Variants in HHAT observed in about 807,000 individuals in gnomAD.
HHAT encodes hedgehog acyltransferase.
A neutral mutation model predicts 70.8 loss-of-function variants in HHAT; 47 were observed. The ratio of observed to expected loss-of-function variants is 0.66; its 90% confidence interval spans 0.53 to 0.85. HHAT has a LOEUF of 0.85. Among genes scored for constraint, HHAT ranks in the 40% least tolerant of loss-of-function variants. The pLI is 0.00. For synonymous variants in HHAT, 228 were observed against 247.6 expected (o/e 0.92, Z 0.74); for missense variants, 609 against 604.8 (o/e 1.01, Z -0.07).
In HHAT at chr1:210,475,230, T is replaced by C. The variant is rs115464424; in HGVS notation, c.1007+10575T>C. 2.4e-3 allele frequency among the ~76,000 whole-genome samples: 360 copies of C among 152,244 alleles called. 1 individual carries two copies. The highest frequency in any genetic ancestry group is 8.1e-3 in the African/African-American group (338 of 41,532). On this transcript the variant is annotated intron_variant, in intron 8 of 11. Transcript: ENST00000261458. ...CAGGCCCTGGCAAGGCTGTGTACTT[T>C]GTGTTAGGCTTACCTTGCCATCCAT...
intron 7 of HHAT, among the ~76,000 whole-genome samples, chr1:210,424,562 T>C (rs984469736): frequency 7.9e-5 from 12 of 151,532 alleles, no homozygotes; most frequent in Non-Finnish European, 1.8e-4. Flanking sequence ...TGAGTACTCA[T>C]TAGTTATTTT....
chr1:210,541,455 C>T (rs1005893989), intron 9 of HHAT, among the ~76,000 whole-genome samples: 15 of 152,126 alleles, frequency 9.9e-5, no homozygotes, highest in African/African-American at 2.2e-4. Context: ...CAGCCAGCTG[C>T]GGTGGCTCAC....
At chr1:210,365,205 G>A (rs989542574) in intron 3 of HHAT, among the ~76,000 whole-genome samples, 3 of 151,540 alleles carry the variant, frequency 2.0e-5, no homozygotes, top group African/African-American at 4.8e-5. Context: ...GATATTAGAT[G>A]TGACTAGAAA....
At position 210,369,091 on chromosome 1, in the gene HHAT, GA is replaced by G. The variant is rs764026000; in HGVS notation, c.159+6183del. On this transcript the variant is annotated intron_variant, in intron 3 of 11. Coordinates refer to ENST00000261458, the MANE Select transcript of HHAT (RefSeq NM_018194.6). The stretch of plus-strand genomic sequence containing the variant: ...GAAACTCTGTCTCAAAAAAAAGAAA[GA>G]AAAAAAAAAAGAATTGCTGATTCTC... Among the ~76,000 whole-genome samples the G allele has an allele frequency of 1.1e-3, 163 of 143,552 alleles. 1 individual carries two copies. The highest frequency in any genetic ancestry group is 3.7e-3 in the Middle Eastern group (1 of 272). 94.2% of individuals were successfully genotyped at this position (143,552 alleles called of 152,430 possible).
At chr1:210,579,578 C>G (rs1253229967) in intron 9 of HHAT, among the ~76,000 whole-genome samples, 1 of 152,164 alleles carries the variant, frequency 6.6e-6, no homozygotes, top group Non-Finnish European at 1.5e-5. Flanking sequence ...GCACCTCATA[C>G]TCAAAGAAGG....
chr1:210,430,014 A>T (rs911862451), intron 7 of HHAT, among the ~76,000 whole-genome samples: 1 of 151,936 alleles, frequency 6.6e-6, no homozygotes, highest in Non-Finnish European at 1.5e-5. Context: ...ATAAAAAGCC[A>T]GGGCAAATGT....
chr1:210,554,478 G>A (rs1558150472), intron 9 of HHAT, among the ~76,000 whole-genome samples: 1 of 152,120 alleles, frequency 6.6e-6, no homozygotes, highest in Non-Finnish European at 1.5e-5. Context: ...TGGGTTTGGA[G>A]ACAAACGCAC....
At chr1:210,399,462 C>T (rs566310454) in intron 4 of HHAT, among the ~76,000 whole-genome samples, 18 of 152,196 alleles carry the variant, frequency 1.2e-4, no homozygotes, top group African/African-American at 4.1e-4. Context: ...CCATGTTGGT[C>T]AGGCTGGTCT....
At chr1:210,351,024 G>T (rs1380438249) in intron 2 of HHAT, among the ~76,000 whole-genome samples, 1 of 152,176 alleles carries the variant, frequency 6.6e-6, no homozygotes, top group Non-Finnish European at 1.5e-5. Flanking sequence ...GATATAAAAG[G>T]AGATTTATTA....
At chr1:210,386,823 G>C (rs1310783578) in intron 3 of HHAT, among the ~76,000 whole-genome samples, 1 of 152,180 alleles carries the variant, frequency 6.6e-6, no homozygotes, top group South Asian at 2.1e-4. Flanking sequence ...TGTGGAACCT[G>C]GTACTGATGC....
At chr1:210,404,013 A>G (rs1428507112) in intron 5 of HHAT, among the ~76,000 whole-genome samples, 1 of 151,986 alleles carries the variant, frequency 6.6e-6, no homozygotes, top group Non-Finnish European at 1.5e-5. Context: ...CAAACTGATA[A>G]CAAAAGAGGA....
intron 7 of HHAT, among the ~76,000 whole-genome samples, chr1:210,437,049 T>C (rs2093394173): frequency 6.6e-6 from 1 of 151,808 alleles, no homozygotes; most frequent in Non-Finnish European, 1.5e-5. Context: ...GAGGTACCAC[T>C]CCCTCTTCCA....
intron 11 of HHAT, among the ~76,000 whole-genome samples, chr1:210,630,592 A>G (rs1198867120): frequency 6.6e-6 from 1 of 152,080 alleles, no homozygotes; most frequent in Admixed American, 6.5e-5. Context: ...TTTGTTTCCA[A>G]TTCTTTGGTA....
At chr1:210,576,263 G>T (rs1281710697) in intron 9 of HHAT, among the ~76,000 whole-genome samples, 1 of 152,036 alleles carries the variant, frequency 6.6e-6, no homozygotes, top group Non-Finnish European at 1.5e-5. Flanking sequence ...TATGATAATG[G>T]CTTTTTAAAA....
chr1:210,362,154 A>T (rs1278869021), intron 2 of HHAT, among the ~76,000 whole-genome samples: 2 of 152,106 alleles, frequency 1.3e-5, no homozygotes, highest in Admixed American at 1.3e-4. Flanking sequence ...CCATTATATG[A>T]CTATTTTATT....
At chr1:210,331,695 C>T (rs2147900464) in intron 1 of HHAT, among the ~76,000 whole-genome samples, 1 of 152,308 alleles carries the variant, frequency 6.6e-6, no homozygotes. Flanking sequence ...AAAATCTCTG[C>T]TAATGTTTGA....
intron 10 of HHAT, 41 bp from the exon 11 acceptor site, chr1:210,623,485 C>T (rs1447482530): frequency 6.2e-7 from 1 of 1,610,640 alleles, no homozygotes; most frequent in Admixed American, 1.7e-5. Context: ...CCATTTTTTC[C>T]ACCCTTGTCA....
intron 1 of HHAT, among the ~76,000 whole-genome samples, chr1:210,338,762 T>C (rs960092971): frequency 6.6e-6 from 1 of 152,194 alleles, no homozygotes; most frequent in Non-Finnish European, 1.5e-5. Flanking sequence ...CATATCACAC[T>C]ATGCTGTCTC....
chr1:210,482,976 T>G (rs149558191), intron 8 of HHAT, among the ~76,000 whole-genome samples: 85 of 152,338 alleles, frequency 5.6e-4, no homozygotes, highest in Middle Eastern at 3.4e-3. Flanking sequence ...AGAGATTATT[T>G]TCCAAAGATA....
Sources: allele counts gnomAD v4.1 joint callset (sites outside exome capture counted in the v4.1 genomes callset), GRCh38; gene constraint gnomAD v4.1.1; transcripts MANE v1.5; gene names NCBI Gene and HGNC (gene_info 2026-07-23, HGNC 2026-07-21).